The following LHFPL3 variants were observed in gnomAD, a reference collection of about 807,000 sequenced individuals.
The protein encoded by LHFPL3 is LHFPL tetraspan subfamily member 3.
A neutral mutation model predicts 19.3 loss-of-function variants in LHFPL3; 5 were observed. The ratio of observed to expected loss-of-function variants is 0.26; its 90% CI spans 0.14 to 0.54. LHFPL3 has a LOEUF of 0.54. Among genes scored for constraint, LHFPL3 ranks in the 20% least tolerant of loss-of-function variants. The probability of loss-of-function intolerance (pLI) is 0.94; values close to 1 mark genes in which losing one functional copy is unlikely to be tolerated. For missense variants in LHFPL3, 249 were observed against 307.4 expected, an observed-to-expected ratio of 0.81 and a Z score of 1.42; for synonymous variants, 133 against 126.2, an observed-to-expected ratio of 1.05 and a Z score of -0.36.
chr7:104,875,317 T>C (rs1459291316), intron 2 of LHFPL3, among the ~76,000 whole-genome samples: 1 of 152,152 alleles, frequency 6.6e-6, no homozygotes, highest in Non-Finnish European at 1.5e-5. Flanking sequence ...ACCTTGTCAA[T>C]GTCTCCCTGC....
chr7:104,563,179 GCAGGCCTC>G (rs1790045499), intron 1 of LHFPL3, among the ~76,000 whole-genome samples: 1 of 152,244 alleles, frequency 6.6e-6, no homozygotes, highest in African/African-American at 2.4e-5. Context: ...ACAGAGGCAG[GCAGGCCTC>G]CTTGAGCTGT....
chr7:104,576,665 T>C lies in LHFPL3; in HGVS notation c.446-160010T>C, dbSNP rs116279544. 3.1e-3 allele frequency among the ~76,000 whole-genome samples: 479 copies of C among 152,262 alleles called. 5 individuals carry two copies. Among genetic ancestry groups the C allele is most frequent in the African/African-American group, 1.0e-2 (414 of 41,562 alleles). On this transcript the variant is annotated intron_variant, in intron 1 of 2. Coordinates refer to ENST00000424859, the MANE Select transcript of LHFPL3 (RefSeq NM_199000.3). ...TTTTGTTTGTTTGTTTGTTTTGTTTTGTTTTGTTTTTTGCCATGACATACA... is the reference window on the plus strand; with the variant it reads ...TTTTGTTTGTTTGTTTGTTTTGTTTCGTTTTGTTTTTTGCCATGACATACA...
In LHFPL3 at chr7:104,645,462, A is replaced by T. The variant is rs1480661196; in HGVS notation, c.446-91213A>T. 2.0e-5 allele frequency among the ~76,000 whole-genome samples: 3 copies of T among 152,116 alleles called. No homozygotes were observed. In the East Asian group the frequency reaches 5.8e-4, roughly 29 times the overall value. The stretch of plus-strand genomic sequence containing the variant: ...AATTGCCCAGTGAAAATAATTTTTT[A>T]AAAAATTCCTCGATGAGTACTATGT... On this transcript the variant is annotated intron_variant, in intron 1 of 2. Transcript: ENST00000424859.
intron 1 of LHFPL3, among the ~76,000 whole-genome samples, chr7:104,507,696 C>T (rs1289969577): frequency 6.1e-5 from 8 of 130,212 alleles, no homozygotes; most frequent in African/African-American, 2.0e-4. Context: ...AGAAAATTTT[C>T]ACAACCTACT....
At chr7:104,596,331 A>G in intron 1 of LHFPL3, among the ~76,000 whole-genome samples, 1 of 152,246 alleles carries the variant, frequency 6.6e-6, no homozygotes, top group South Asian at 2.1e-4. Flanking sequence ...CCATCTTAAT[A>G]GAGAGAATTT....
chr7:104,761,131 C>T (rs748155315), intron 2 of LHFPL3, among the ~76,000 whole-genome samples: 8 of 152,018 alleles, frequency 5.3e-5, no homozygotes, highest in Non-Finnish European at 8.8e-5. Context: ...AGGCAGGCTG[C>T]GTTTTTCCCA....
intron 2 of LHFPL3, among the ~76,000 whole-genome samples, chr7:104,892,122 T>C (rs941261499): frequency 4.6e-5 from 7 of 152,246 alleles, no homozygotes; most frequent in African/African-American, 7.2e-5. Flanking sequence ...GGGTGATACA[T>C]TGAGGAATGC....
chr7:104,351,109 GA>G (rs1163688708), intron 1 of LHFPL3, among the ~76,000 whole-genome samples: 1 of 151,606 alleles, frequency 6.6e-6, no homozygotes, highest in Admixed American at 6.6e-5. Flanking sequence ...CTTGAGAGAA[GA>G]AAATGAGAGA....
intron 1 of LHFPL3, among the ~76,000 whole-genome samples, chr7:104,372,308 A>T (rs1790631889): frequency 6.6e-6 from 1 of 152,176 alleles, no homozygotes; most frequent in African/African-American, 2.4e-5. Flanking sequence ...ATGGAAATGC[A>T]GGGTTGCAGT....
At chr7:104,470,451 T>C (rs1584342643) in intron 1 of LHFPL3, among the ~76,000 whole-genome samples, 1 of 152,332 alleles carries the variant, frequency 6.6e-6, no homozygotes, top group East Asian at 1.9e-4. Context: ...AATATCTCAA[T>C]TTAAACTAAA....
chr7:104,563,458 G>A (rs560133646), intron 1 of LHFPL3, among the ~76,000 whole-genome samples: 6 of 152,404 alleles, frequency 3.9e-5, no homozygotes, highest in African/African-American at 4.8e-5. Context: ...GGTGCCATCC[G>A]TCACCCCTTT....
intron 1 of LHFPL3, among the ~76,000 whole-genome samples, chr7:104,631,672 T>C (rs1028607933): frequency 1.3e-5 from 2 of 152,234 alleles, no homozygotes; most frequent in African/African-American, 4.8e-5. Context: ...GAGCTTTTGC[T>C]ATTCCTTCAA....
chr7:104,691,143 A>G (rs545899957), intron 1 of LHFPL3, among the ~76,000 whole-genome samples: 16 of 152,322 alleles, frequency 1.1e-4, no homozygotes, highest in Middle Eastern at 3.4e-3. Flanking sequence ...TGAACTGCCT[A>G]TCATGAACCA....
chr7:104,544,822 C>T (rs1449144254), intron 1 of LHFPL3, among the ~76,000 whole-genome samples: 1 of 151,936 alleles, frequency 6.6e-6, no homozygotes, highest in Admixed American at 6.6e-5. Context: ...CTTTTCCTGC[C>T]CCTCACTAGA....
intron 1 of LHFPL3, among the ~76,000 whole-genome samples, chr7:104,379,499 G>A (rs1224146506): frequency 6.6e-6 from 1 of 152,202 alleles, no homozygotes; most frequent in Non-Finnish European, 1.5e-5. Context: ...TGCATTGAGA[G>A]AAGTAGTGTC....
intron 1 of LHFPL3, among the ~76,000 whole-genome samples, chr7:104,675,805 G>A (rs979789604): frequency 6.6e-6 from 1 of 151,932 alleles, no homozygotes; most frequent in African/African-American, 2.4e-5. Flanking sequence ...TTTCAGGATG[G>A]AAGACTGTGA....
intron 1 of LHFPL3, among the ~76,000 whole-genome samples, chr7:104,432,705 T>C (rs564828552): frequency 6.6e-6 from 1 of 152,338 alleles, no homozygotes; most frequent in East Asian, 1.9e-4. Context: ...TCCTCATAGG[T>C]TGCCTCTATC....
At chr7:104,884,941 G>A (rs187481601) in intron 2 of LHFPL3, among the ~76,000 whole-genome samples, 5 of 152,200 alleles carry the variant, frequency 3.3e-5, no homozygotes, top group Non-Finnish European at 7.4e-5. Flanking sequence ...GAGGAGGAAT[G>A]GGCAACTCAG....
chr7:104,390,411 C>T (rs953840168), intron 1 of LHFPL3, among the ~76,000 whole-genome samples: 2 of 145,394 alleles, frequency 1.4e-5, no homozygotes, highest in Admixed American at 7.0e-5. Flanking sequence ...TTGTTCAATT[C>T]CCACCTGTGA....
Sources: allele counts gnomAD v4.1 joint callset (sites outside exome capture counted in the v4.1 genomes callset), GRCh38; gene constraint gnomAD v4.1.1; transcripts MANE v1.5; gene names NCBI Gene and HGNC (gene_info 2026-07-23, HGNC 2026-07-21).